POTEJ: variants seen among roughly 807,000 people sequenced by gnomAD.
POTEJ encodes the protein POTE ankyrin domain family member J, also known as POTE ankyrin domain family, member J.
POTEJ carries 11 observed loss-of-function variants against 69.0 expected under a neutral mutation model. That is an observed-to-expected ratio of 0.16 (90% CI 0.10 to 0.26). The LOEUF (loss-of-function observed/expected upper bound fraction) is 0.26. Among genes scored for constraint, POTEJ ranks in the 10% least tolerant of loss-of-function variants. The probability of loss-of-function intolerance (pLI) is 1.00; values close to 1 mark genes in which losing one functional copy is unlikely to be tolerated. For missense variants in POTEJ, 327 were observed against 1,045.5 expected (o/e 0.31, Z 9.48); for synonymous variants, 117 against 381.1 (o/e 0.31, Z 8.07).
intron 6 of POTEJ, among the ~76,000 whole-genome samples, chr2:130,624,776 T>C (rs1293729851): frequency 6.6e-6 from 1 of 152,184 alleles, no homozygotes; most frequent in African/African-American, 2.4e-5. Flanking sequence ...TCATGTTACA[T>C]ATGCTTGTCC....
intron 6 of POTEJ, among the ~76,000 whole-genome samples, chr2:130,624,769 T>A (rs1389934530): frequency 6.6e-6 from 1 of 152,044 alleles, no homozygotes; most frequent in African/African-American, 2.4e-5. Flanking sequence ...GCACAAGTCA[T>A]GTTACATATG....
chr2:130,656,470 T>C, intron 14 of POTEJ, 79 bp from the exon 15 acceptor site: 2 of 1,524,510 alleles, frequency 1.3e-6, no homozygotes, highest in Non-Finnish European at 1.8e-6. Flanking sequence ...TACAAATACA[T>C]GTTATTTTTG....
At chr2:130,636,441 T>C (rs1018101914) in intron 9 of POTEJ, among the ~76,000 whole-genome samples, 1 of 145,142 alleles carries the variant, frequency 6.9e-6, no homozygotes, top group African/African-American at 2.5e-5. Flanking sequence ...CATCGTTTCT[T>C]AGAGTCTTTG....
At chr2:130,628,827 A>C (rs1685798934) in intron 6 of POTEJ, among the ~76,000 whole-genome samples, 1 of 149,984 alleles carries the variant, frequency 6.7e-6, no homozygotes, top group Admixed American at 6.6e-5. Context: ...CAGGACCATC[A>C]TGGCCAATGG....
chr2:130,642,631 A>G (rs1270142768), intron 10 of POTEJ, among the ~76,000 whole-genome samples: 2 of 151,118 alleles, frequency 1.3e-5, no homozygotes, highest in African/African-American at 4.9e-5. Flanking sequence ...AGGACCCGGG[A>G]CCACTTTTGA....
intron 6 of POTEJ, among the ~76,000 whole-genome samples, chr2:130,624,844 A>G (rs1248704655): frequency 3.9e-5 from 6 of 152,108 alleles, no homozygotes; most frequent in Non-Finnish European, 5.9e-5. Context: ...GGAAAGAGAT[A>G]TATTTACTTT....
chr2:130,625,362 A>G (rs62164922), intron 6 of POTEJ, among the ~76,000 whole-genome samples: 1 of 151,272 alleles, frequency 6.6e-6, no homozygotes, highest in Non-Finnish European at 1.5e-5. Flanking sequence ...ACAATTAAAA[A>G]TACAGACAGG....
rs548264688 is a variant in POTEJ, at chr2:130,637,642, C to T, written c.1299-977C>T. ...GTGGTCTGTGAGATGACACCAGAGC[C>T]AAATAACGTGTGGGGTGTTGTGTAC... On this transcript the variant is annotated intron_variant, in intron 9 of 14. Transcript: ENST00000409602. Among the ~76,000 whole-genome samples the T allele has an allele frequency of 2.6e-3, 403 of 152,266 alleles. 1 individual carries two copies. Among genetic ancestry groups the T allele is most frequent in the African/African-American group, 9.3e-3 (386 of 41,476 alleles).
At chr2:130,624,460 A>G (rs1286046696) in intron 6 of POTEJ, among the ~76,000 whole-genome samples, 2 of 149,646 alleles carry the variant, frequency 1.3e-5, no homozygotes, top group South Asian at 4.2e-4. Flanking sequence ...CACACAACCT[A>G]GATCCCTCAG....
At chr2:130,632,803 CAAT>C in intron 9 of POTEJ, 147 bp downstream of exon 9, 2 of 1,242,822 alleles carry the variant, frequency 1.6e-6, no homozygotes, top group Non-Finnish European at 1.1e-6. Flanking sequence ...AATCAGCGAA[CAAT>C]GAGTTACCAT....
intron 10 of POTEJ, among the ~76,000 whole-genome samples, chr2:130,641,645 A>G (rs1287338534): frequency 4.0e-5 from 6 of 151,572 alleles, no homozygotes; most frequent in African/African-American, 1.5e-4. Context: ...GACATGAGGA[A>G]GGAGTAGGAA....
At chr2:130,625,924 GA>G (rs1249435297) in intron 6 of POTEJ, among the ~76,000 whole-genome samples, 5 of 135,266 alleles carry the variant, frequency 3.7e-5, no homozygotes, top group African/African-American at 1.6e-4. Flanking sequence ...GTAAGAACCA[GA>G]GTTGTTTTGG....
rs1686990923 is a variant in POTEJ at position 130,656,447 on chromosome 2, G to A, written c.1789-102G>A. 4 of 1,448,928 alleles carry A rather than the reference G, an allele frequency of 2.8e-6. No individual in the cohort carries two copies. In the East Asian group the frequency reaches 7.0e-5, roughly 25 times the overall value. 89.8% of individuals were successfully genotyped at this position (1,448,928 alleles called of 1,614,324 possible). ...TTTCCAGTTAAATATCCACTATGGG[G>A]ATTCTTTCATTATACAAATACATGT... On this transcript the variant is annotated intron_variant, in intron 14 of 14. Coordinates refer to ENST00000409602, the MANE Select transcript of POTEJ (RefSeq NM_001277083.2).
At chr2:130,641,777 C>T (rs554397829) in intron 10 of POTEJ, among the ~76,000 whole-genome samples, 18 of 152,274 alleles carry the variant, frequency 1.2e-4, no homozygotes, top group Admixed American at 8.5e-4. Context: ...GGATAATCAG[C>T]ATTTATAACT....
rs1016952094 is a variant in POTEJ, at chr2:130,632,943, G to A, written c.1298+287G>A. On this transcript the variant is annotated intron_variant, in intron 9 of 14. Coordinates refer to ENST00000409602, the MANE Select transcript of POTEJ (RefSeq NM_001277083.2). ...GGTACATGTGCAGGGTTATTATATA[G>A]GTAAAGTGTATCATGGAGATTTGGA... Among the ~76,000 whole-genome samples the A allele has an allele frequency of 6.8e-5, 10 of 147,216 alleles. 1 individual carries two copies. The highest frequency in any genetic ancestry group is 2.6e-4 in the African/African-American group (10 of 38,206).
At chr2:130,644,329 G>A (rs1456845622) in intron 11 of POTEJ, among the ~76,000 whole-genome samples, 15 of 147,986 alleles carry the variant, frequency 1.0e-4, no homozygotes, top group African/African-American at 3.5e-4. Context: ...ACTTAGCTGG[G>A]CGTGGTGGCG....
At chr2:130,625,210 GC>G (rs1685659432) in intron 6 of POTEJ, among the ~76,000 whole-genome samples, 1 of 152,142 alleles carries the variant, frequency 6.6e-6, no homozygotes, top group Non-Finnish European at 1.5e-5. Context: ...TCATAATAGA[GC>G]TGTCTCCATT....
intron 13 of POTEJ, among the ~76,000 whole-genome samples, chr2:130,650,306 C>A (rs1171555912): frequency 6.6e-6 from 1 of 152,270 alleles, no homozygotes. Context: ...ACTTTCCCAC[C>A]ACCCTTCCCA....
At chr2:130,626,621 C>T (rs1211310060) in intron 6 of POTEJ, among the ~76,000 whole-genome samples, 2 of 152,172 alleles carry the variant, frequency 1.3e-5, no homozygotes, top group Non-Finnish European at 2.9e-5. Context: ...TTGGATTTGG[C>T]CTGTGGCCTA....
Sources: gnomAD v4.1 joint callset for allele counts (sites outside exome capture counted in the v4.1 genomes callset) on GRCh38, gnomAD v4.1.1 for gene constraint, MANE v1.5 for transcripts, NCBI Gene and HGNC (gene_info 2026-07-23, HGNC 2026-07-21) for gene names.